NPC1: variants seen among roughly 807,000 people sequenced by gnomAD.
The protein encoded by NPC1 is NPC intracellular cholesterol transporter 1, also known as Niemann-Pick C1 protein.
NPC1 carries 85 observed loss-of-function variants against 140.4 expected under a neutral mutation model. That is an observed-to-expected ratio of 0.61 (90% CI 0.51 to 0.72). NPC1 has a LOEUF of 0.72. Among genes scored for constraint, NPC1 ranks in the 30% least tolerant of loss-of-function variants. The pLI is 0.00. For synonymous variants in NPC1, 656 were observed against 624.8 expected (o/e 1.05, Z -0.74); for missense variants, 1,504 against 1,623.8 (o/e 0.93, Z 1.27).
intron 3 of NPC1, among the ~76,000 whole-genome samples, chr18:23,570,048 C>G (rs1452539759): frequency 6.6e-6 from 1 of 152,218 alleles, no homozygotes; most frequent in African/African-American, 2.4e-5. Context: ...TCAAGAGTCT[C>G]TGTTCTAGTG....
At chr18:23,567,659 G>C (rs1042768575) in intron 4 of NPC1, among the ~76,000 whole-genome samples, 2 of 152,142 alleles carry the variant, frequency 1.3e-5, no homozygotes, top group Non-Finnish European at 2.9e-5. Context: ...TGGGTCTCCA[G>C]GTTTATATGC....
downstream of NPC1, among the ~76,000 whole-genome samples, chr18:23,521,047 G>A (rs2356683): frequency 0.5 from 75,937 of 151,830 alleles, 19,191 homozygotes; most frequent in East Asian, 0.61. Flanking sequence ...TAGAGATGGG[G>A]TTTCACCATG....
intron 3 of NPC1, among the ~76,000 whole-genome samples, chr18:23,513,673 T>C (rs1467837523): frequency 6.6e-6 from 1 of 152,208 alleles, no homozygotes; most frequent in African/African-American, 2.4e-5. Context: ...TGTACAAGGG[T>C]CCCAGTTTCT....
chr18:23,555,334 G>T (rs968014916), intron 8 of NPC1, among the ~76,000 whole-genome samples: 1 of 152,258 alleles, frequency 6.6e-6, no homozygotes, highest in Non-Finnish European at 1.5e-5. Flanking sequence ...TGGTCTCCCT[G>T]ACCCTCCTCT....
At chr18:23,520,960 T>C (rs2058127489), downstream of NPC1, among the ~76,000 whole-genome samples, 1 of 152,102 alleles carries the variant, frequency 6.6e-6, no homozygotes, top group Non-Finnish European at 1.5e-5. Context: ...TCAAGTGATC[T>C]GCCCACCTTG....
downstream of NPC1, chr18:23,518,996 G>A: frequency 3.1e-6 from 5 of 1,613,850 alleles, no homozygotes; most frequent in Non-Finnish European, 4.2e-6. Flanking sequence ...TTCATGCTTT[G>A]TTTTCCCTCT....
chr18:23,568,318 T>C (rs1301234548), intron 4 of NPC1, among the ~76,000 whole-genome samples: 1 of 152,196 alleles, frequency 6.6e-6, no homozygotes, highest in African/African-American at 2.4e-5. Context: ...CTTTTTTCTA[T>C]GGAATTTTTT....
At chr18:23,569,691 G>GT (rs1378946332) in intron 3 of NPC1, among the ~76,000 whole-genome samples, 2 of 152,100 alleles carry the variant, frequency 1.3e-5, no homozygotes, top group East Asian at 1.9e-4. Flanking sequence ...CTATTGAAAG[G>GT]TTTTCTTTCA....
intron 16 of NPC1, 86 bp downstream of exon 16, chr18:23,540,982 C>A: frequency 6.9e-7 from 1 of 1,448,230 alleles, no homozygotes; most frequent in South Asian, 1.1e-5. Context: ...TTAAGAATCT[C>A]CTTCCCAGGC....
At chr18:23,546,205 T>C (rs973374746) in intron 11 of NPC1, among the ~76,000 whole-genome samples, 8 of 121,792 alleles carry the variant, frequency 6.6e-5, no homozygotes, top group African/African-American at 2.2e-4. Context: ...GCTGAGATCA[T>C]GCCACTGCAC....
intron 4 of NPC1, among the ~76,000 whole-genome samples, chr18:23,563,184 T>C (rs2059069217): frequency 6.6e-6 from 1 of 152,258 alleles, no homozygotes; most frequent in Non-Finnish European, 1.5e-5. Flanking sequence ...GGTTCATGCA[T>C]ATTGTGGCAT....
Position 23,543,572 on chromosome 18 carries a change from TAAAAAAAA to T in NPC1, c.2131-11_2131-4del. 2 of 1,205,264 alleles carry T rather than the reference TAAAAAAAA, an allele frequency of 1.7e-6. No homozygotes were observed. Among genetic ancestry groups the T allele is most frequent in the Non-Finnish European group, 2.4e-6 (2 of 844,242 alleles). 74.7% of individuals were successfully genotyped at this position (1,205,264 alleles called of 1,614,324 possible). On this transcript the variant is annotated splice_region_variant and splice_polypyrimidine_tract_variant and intron_variant, in intron 13 of 24. Coordinates refer to ENST00000269228, the MANE Select transcript of NPC1 (RefSeq NM_000271.5). ...TCCCCTTGAAGACGTTCATCTCTCT[TAAAAAAAA>T]AAAAAAAAAATTATGCGACATTAAA...
At chr18:23,540,296 G>T in intron 17 of NPC1, 152 bp downstream of exon 17, 1 of 677,020 alleles carries the variant, frequency 1.5e-6, no homozygotes, top group Non-Finnish European at 2.6e-6. Context: ...CACCAGCAGT[G>T]CACTGCGACA....
chr18:23,562,750 G>A lies in NPC1; in HGVS notation c.464-1223C>T, dbSNP rs545512151. ...ACCTTTAATCCCAGTAATTTGGGAG[G>A]CCCTGGTGGGTGGACTGCCAGAGCT... On this transcript the variant is annotated intron_variant, in intron 4 of 24. Transcript: ENST00000269228. Among the ~76,000 whole-genome samples the A allele has an allele frequency of 5.9e-5, 9 of 152,084 alleles. No homozygotes were observed. The East Asian group carries it at 1.5e-3, about 26-fold the overall frequency.
At chr18:23,586,249 G>T in intron 1 of NPC1, 38 bp downstream of exon 1, 1 of 1,528,356 alleles carries the variant, frequency 6.5e-7, no homozygotes, top group Non-Finnish European at 8.7e-7. Context: ...GCCCCGCCAC[G>T]TCCCCACAGG....
chr18:23,534,136 C>T lies in NPC1; in HGVS notation c.3591+310G>A, dbSNP rs564715976. On this transcript the variant is annotated intron_variant, in intron 23 of 24. Coordinates refer to ENST00000269228, the MANE Select transcript of NPC1 (RefSeq NM_000271.5). ...GACGACTCTCCAGGCACCAACCGCACATCACACGCTGGGTTCTGGCCCGGG... is the reference window on the plus strand; with the variant it reads ...GACGACTCTCCAGGCACCAACCGCATATCACACGCTGGGTTCTGGCCCGGG... The T allele has an allele frequency of 1.8e-5, 9 of 504,460 alleles. No individual in the cohort carries two copies. The Admixed American group carries it at 1.9e-4, about 11-fold the overall frequency. The allele number at this position is 504,460 out of a possible 1,614,324, so 31.2% of individuals were successfully genotyped here. A position where few individuals can be genotyped will look rare whatever the true frequency, so the allele number is the denominator to read the frequency against.
rs2059212939 is a variant in NPC1 at position 23,572,131 on chromosome 18, A to G, written c.230T>C (p.Val77Ala). The change falls in exon 3 of 25, where the codon GTT becomes GCT. Residue 77 changes from valine to alanine, a missense_variant. Coordinates refer to ENST00000269228, the MANE Select transcript of NPC1 (RefSeq NM_000271.5). ...FFGNVSLCCD[V>A]RQLQTLKDNL... Reference sequence around the variant, plus strand: ...GTCTTTTAGTGTCTGAAGCTGCCGAACATCACAACAGAGACTGACATTGCC... The same window carrying G: ...GTCTTTTAGTGTCTGAAGCTGCCGAGCATCACAACAGAGACTGACATTGCC... The G allele has an allele frequency of 1.2e-6, 2 of 1,613,746 alleles. No homozygotes were observed. The highest frequency in any genetic ancestry group is 1.1e-5 in the South Asian group (1 of 91,090).
rs966962669 is a variant in NPC1, at chr18:23,531,860, GGA to G, written c.*340_*341del. On this transcript the variant is annotated 3_prime_UTR_variant, in exon 25 of 25. Coordinates refer to ENST00000269228, the MANE Select transcript of NPC1 (RefSeq NM_000271.5). ...CTTGTGGGATGGCTTACTCCTAAAA[GGA>G]GAGACAGACAGTGCATTGATTGGCC... The G allele has an allele frequency of 5.5e-6, 8 of 1,451,036 alleles. No individual in the cohort carries two copies. Among genetic ancestry groups the G allele is most frequent in the Admixed American group, 2.8e-5 (1 of 36,032 alleles). The allele number at this position is 1,451,036 out of a possible 1,614,324, so 89.9% of individuals were successfully genotyped here.
chr18:23,583,315 A>G (rs2059378870), intron 1 of NPC1, among the ~76,000 whole-genome samples: 1 of 152,182 alleles, frequency 6.6e-6, no homozygotes, highest in Admixed American at 6.5e-5. Context: ...GGCTTACCCA[A>G]GATCACTCTT....
Sources: gnomAD v4.1 joint callset for allele counts (sites outside exome capture counted in the v4.1 genomes callset) on GRCh38, gnomAD v4.1.1 for gene constraint, MANE v1.5 for transcripts, NCBI Gene and HGNC (gene_info 2026-07-23, HGNC 2026-07-21) for gene names.